Variants in PIK3CD observed in about 807,000 individuals in gnomAD.
PIK3CD encodes phosphatidylinositol 4,5-bisphosphate 3-kinase catalytic subunit delta isoform.
Under a neutral mutation model 122.9 loss-of-function variants are expected in PIK3CD, and 20 were observed. That is an observed-to-expected ratio of 0.16 (90% CI 0.11 to 0.24). PIK3CD has a LOEUF of 0.24. PIK3CD is among the 10% of genes least tolerant of loss of function. The pLI, the probability that PIK3CD is intolerant of heterozygous loss-of-function variation, is 1.00. For missense variants in PIK3CD, 787 were observed against 1,406.3 expected (o/e 0.56, Z 7.04); for synonymous variants, 596 against 593.4 (o/e 1.00, Z -0.06).
At chr1:9,678,071 G>C (rs1164121202) in intron 1 of PIK3CD, among the ~76,000 whole-genome samples, 1 of 151,840 alleles carries the variant, frequency 6.6e-6, no homozygotes, top group African/African-American at 2.4e-5. Flanking sequence ...TTGAGCCCGG[G>C]AGGCGGAGGT....
Position 9,710,578 on chromosome 1 carries a change from C to T in PIK3CD, c.123C>T (p.Asn41=). 1.2e-6 allele frequency: 2 copies of T among 1,613,914 alleles called. No homozygotes were observed. The highest frequency in any genetic ancestry group is 2.2e-5 in the South Asian group (2 of 91,074). ...ACTTCCCTGTGTCCCGCAATGCCAA[C>T]CTCAGCACCATCAAGCAGGTATGGC... ...YLNFPVSRNA[N]LSTIKQLLWH... The change falls in exon 3 of 24, where the codon AAC becomes AAT. Residue 41 remains asparagine, a synonymous_variant. Coordinates refer to ENST00000377346, the MANE Select transcript of PIK3CD (RefSeq NM_005026.5). The surrounding 1 kb of genome is among the most constrained non-coding windows in gnomAD (Gnocchi z 4.7).
At chr1:9,714,976 G>C (rs1467274922) in intron 3 of PIK3CD, among the ~76,000 whole-genome samples, 1 of 152,104 alleles carries the variant, frequency 6.6e-6, no homozygotes, top group African/African-American at 2.4e-5. Flanking sequence ...TTTGAGACCA[G>C]CTTGGCCAAT....
At chr1:9,656,706 G>A (rs1438372561) in intron 1 of PIK3CD, among the ~76,000 whole-genome samples, 2 of 152,182 alleles carry the variant, frequency 1.3e-5, no homozygotes, top group Non-Finnish European at 2.9e-5. Flanking sequence ...ACTTTGGGAG[G>A]CTGAGGCGGG....
intron 2 of PIK3CD, among the ~76,000 whole-genome samples, chr1:9,706,201 A>G (rs1239255163): frequency 6.6e-6 from 1 of 151,654 alleles, no homozygotes; most frequent in Admixed American, 6.6e-5. Flanking sequence ...GTGTGTTTAG[A>G]ACAAACTGGG....
the PIK3CD span, among the ~76,000 whole-genome samples, chr1:9,640,818 C>T: frequency 1.9e-4 from 29 of 152,276 alleles, no homozygotes; most frequent in Admixed American, 4.6e-4. Flanking sequence ...TCAGCTGCCC[C>T]CTCCCGCATC....
At chr1:9,661,240 C>T (rs1023982481) in intron 1 of PIK3CD, among the ~76,000 whole-genome samples, 17 of 151,594 alleles carry the variant, frequency 1.1e-4, no homozygotes, top group African/African-American at 4.1e-4. Flanking sequence ...CGGCCACGCC[C>T]AGCTAATTTT....
At chr1:9,669,399 A>C (rs1645255844) in intron 1 of PIK3CD, among the ~76,000 whole-genome samples, 1 of 152,176 alleles carries the variant, frequency 6.6e-6, no homozygotes, top group Non-Finnish European at 1.5e-5. Context: ...ATGAGTGACC[A>C]TGGCCCAAGA....
upstream of PIK3CD, among the ~76,000 whole-genome samples, chr1:9,650,990 G>A (rs1644660667): frequency 6.6e-6 from 1 of 152,108 alleles, no homozygotes. Flanking sequence ...ACTACAAGGT[G>A]TGCACCACCA....
intron 1 of PIK3CD, among the ~76,000 whole-genome samples, chr1:9,667,235 G>A (rs986987363): frequency 6.6e-6 from 1 of 152,116 alleles, no homozygotes; most frequent in Admixed American, 6.6e-5. Context: ...GGAGGCTGAG[G>A]CGAGAGGATT....
chr1:9,637,911 C>T, the PIK3CD span, among the ~76,000 whole-genome samples: 2 of 151,970 alleles, frequency 1.3e-5, no homozygotes, highest in African/African-American at 4.8e-5. Context: ...CGAGACCAGC[C>T]TGGCCAACAT....
intron 1 of PIK3CD, chr1:9,687,694 G>C (rs1003996132): frequency 2.0e-5 from 3 of 152,312 alleles, no homozygotes; most frequent in Non-Finnish European, 2.9e-5. Flanking sequence ...ACCTGGTGCA[G>C]GGTGTGAAGA....
chr1:9,660,644 G>A (rs1187532298), intron 1 of PIK3CD, among the ~76,000 whole-genome samples: 1 of 152,074 alleles, frequency 6.6e-6, no homozygotes, highest in African/African-American at 2.4e-5. Flanking sequence ...AATAGCACAT[G>A]GGGATACTCC....
At chr1:9,662,960 A>T (rs1645051226) in intron 1 of PIK3CD, among the ~76,000 whole-genome samples, 1 of 152,130 alleles carries the variant, frequency 6.6e-6, no homozygotes. Flanking sequence ...AAGTGCTGGG[A>T]TGACAGGCGT....
At chr1:9,670,769 T>G (rs184427775) in intron 1 of PIK3CD, among the ~76,000 whole-genome samples, 567 of 151,858 alleles carry the variant, frequency 3.7e-3, no homozygotes, top group Non-Finnish European at 6.4e-3. Flanking sequence ...TGTTTTTGGT[T>G]TTTTTTTAGA....
At chr1:9,685,410 G>A (rs1367089831) in intron 1 of PIK3CD, among the ~76,000 whole-genome samples, 1 of 152,048 alleles carries the variant, frequency 6.6e-6, no homozygotes, top group African/African-American at 2.4e-5. Flanking sequence ...CCAGGCTGGA[G>A]TGCAGTGGCT....
Position 9,723,904 on chromosome 1 carries a change from AC to A in PIK3CD, c.2595-62del, listed in dbSNP as rs1649081678. 2.0e-6 allele frequency: 3 copies of A among 1,472,410 alleles called. No individual in the cohort carries two copies. Among genetic ancestry groups the A allele is most frequent in the Non-Finnish European group, 2.8e-6 (3 of 1,054,646 alleles). 91.2% of individuals were successfully genotyped at this position (1,472,410 alleles called of 1,614,324 possible). On this transcript the variant is annotated intron_variant, in intron 20 of 23. Coordinates refer to ENST00000377346, the MANE Select transcript of PIK3CD (RefSeq NM_005026.5). This position sits in a 1 kb window ranked among gnomAD's most constrained non-coding sequence, Gnocchi z 4.9. ...AGATTCAAGGGGAGAGGGAGTAATA[AC>A]CCACCTCTTGATAGGCGGAGCTGCA...
the PIK3CD span, among the ~76,000 whole-genome samples, chr1:9,638,107 A>T: frequency 6.6e-6 from 1 of 151,548 alleles, no homozygotes; most frequent in Non-Finnish European, 1.5e-5. Context: ...ACTCTGTCTC[A>T]AAATAAATAA....
In PIK3CD at chr1:9,720,890, A is replaced by G; in HGVS notation, c.1670A>G (p.Lys557Arg). The change falls in exon 13 of 24, where the codon AAG becomes AGG. Residue 557 changes from lysine (K) to arginine (R), a missense_variant. Transcript: ENST00000377346. This position sits in a 1 kb window ranked among gnomAD's most constrained non-coding sequence, Gnocchi z 9.0. ...CTGCTGCTGGTCACCAAGTGGAACA[A>G]GCATGAGGATGTGGCCCAGGTGGGT... ...ARLLLVTKWN[K>R]HEDVAQMLYL... 6.2e-7 allele frequency: 1 copy of G among 1,600,034 alleles called. No individual in the cohort carries two copies. Among genetic ancestry groups the G allele is most frequent in the Non-Finnish European group, 8.5e-7 (1 of 1,173,546 alleles).
chr1:9,674,451 G>A (rs565529596), intron 1 of PIK3CD, among the ~76,000 whole-genome samples: 38 of 152,190 alleles, frequency 2.5e-4, no homozygotes, highest in African/African-American at 8.4e-4. Context: ...AGGCCAAGGC[G>A]GGTAGATCAC....
Sources: gnomAD v4.1 joint callset for allele counts (sites outside exome capture counted in the v4.1 genomes callset) on GRCh38, gnomAD v4.1.1 for gene constraint, Gnocchi (gnomAD v3.1) non-coding constraint, MANE v1.5 for transcripts, NCBI Gene and HGNC (gene_info 2026-07-23, HGNC 2026-07-21) for gene names.